The following IFT88 variants were observed in gnomAD, a reference collection of about 807,000 sequenced individuals.
IFT88 encodes the protein intraflagellar transport 88.
IFT88 carries 74 observed loss-of-function variants against 119.5 expected under a neutral mutation model. The ratio of observed to expected loss-of-function variants is 0.62; its 90% CI spans 0.51 to 0.75. The LOEUF (loss-of-function observed/expected upper bound fraction) is 0.75. Among genes scored for constraint, IFT88 ranks in the 30% least tolerant of loss-of-function variants. IFT88 has a pLI of 0.00. For synonymous variants in IFT88, 279 were observed against 316.7 expected (o/e 0.88, Z 1.26); for missense variants, 961 against 977.7 (o/e 0.98, Z 0.23).
chr13:20,663,332 T>A (rs1431557030), intron 22 of IFT88, 166 bp from the exon 23 acceptor site: 1 of 1,516,386 alleles, frequency 6.6e-7, no homozygotes, highest in East Asian at 2.5e-5. Flanking sequence ...AAGTCAGTTC[T>A]CCCTGGTCCA....
intron 22 of IFT88, among the ~76,000 whole-genome samples, chr13:20,660,977 G>A (rs1240938524): frequency 1.3e-5 from 2 of 152,078 alleles, no homozygotes; most frequent in African/African-American, 2.4e-5. Context: ...AAAATGGAGT[G>A]TTCACTAGCT....
At chr13:20,680,889 G>C (rs940976069) in intron 24 of IFT88, among the ~76,000 whole-genome samples, 5 of 152,196 alleles carry the variant, frequency 3.3e-5, no homozygotes, top group Non-Finnish European at 7.3e-5. Context: ...CACCAAACCA[G>C]TTGTTCCGCT....
In IFT88 at chr13:20,592,443, G is replaced by A. The variant is rs112861875; in HGVS notation, c.398+39G>A. ...TATGTTGTTGTTTGTTGTTGTTGCT[G>A]CATATTTTAAATTTTTATTTTCCAA... is the stretch of plus-strand genomic sequence containing the variant. On this transcript the variant is annotated intron_variant, in intron 7 of 25. Transcript: ENST00000351808. 2.2e-3 allele frequency: 3,144 copies of A among 1,453,860 alleles called. 57 individuals are homozygous for A. The African/African-American group carries it at 0.041, about 19-fold the overall frequency. The allele number at this position is 1,453,860 out of a possible 1,614,324, so 90.1% of individuals were successfully genotyped here. A position where few individuals can be genotyped will look rare whatever the true frequency, so the allele number is the denominator to read the frequency against.
Position 20,597,607 on chromosome 13 carries a change from G to A in IFT88, c.594+488G>A, listed in dbSNP as rs190773185. 3.4e-3 allele frequency among the ~76,000 whole-genome samples: 523 copies of A among 152,022 alleles called. 2 individuals are homozygous for A. The highest frequency in any genetic ancestry group is 0.014 in the Middle Eastern group (4 of 294). ...AAAATACAAAAAATTAGCCGGGTGT[G>A]GTGGCGGGCGCCTGTAGTCCCAGCT... On this transcript the variant is annotated intron_variant, in intron 9 of 25. Transcript: ENST00000351808.
At chr13:20,612,296 A>G (rs1335949539) in intron 13 of IFT88, 2 of 152,212 alleles carry the variant, frequency 1.3e-5, no homozygotes, top group Non-Finnish European at 2.9e-5. Flanking sequence ...TGCTGTATGC[A>G]TTGACCTGGT....
At chr13:20,570,681 G>T (rs1239829934) in intron 1 of IFT88, among the ~76,000 whole-genome samples, 1 of 152,166 alleles carries the variant, frequency 6.6e-6, no homozygotes, top group African/African-American at 2.4e-5. Flanking sequence ...ACAGAAAATG[G>T]TTGCCAGGGA....
intron 24 of IFT88, among the ~76,000 whole-genome samples, chr13:20,672,893 G>A (rs1252711740): frequency 6.6e-6 from 1 of 152,090 alleles, no homozygotes; most frequent in South Asian, 2.1e-4. Flanking sequence ...TCATGGATGT[G>A]TACCAAAAAT....
intron 2 of IFT88, among the ~76,000 whole-genome samples, chr13:20,580,140 A>G (rs1052712139): frequency 6.6e-6 from 1 of 152,200 alleles, no homozygotes; most frequent in African/African-American, 2.4e-5. Context: ...ACATTCAACT[A>G]CATCATAAGC....
chr13:20,674,613 C>A (rs2056373757), intron 24 of IFT88, among the ~76,000 whole-genome samples: 1 of 149,666 alleles, frequency 6.7e-6, no homozygotes, highest in Non-Finnish European at 1.5e-5. Context: ...TAATGAAAAT[C>A]AGGATAAGAT....
intron 9 of IFT88, among the ~76,000 whole-genome samples, chr13:20,597,876 G>C (rs937459802): frequency 2.0e-5 from 3 of 151,730 alleles, no homozygotes; most frequent in Non-Finnish European, 4.4e-5. Context: ...ATTTTGATGA[G>C]ATTGTAATGT....
At chr13:20,575,741 C>T (rs2037259051) in intron 2 of IFT88, among the ~76,000 whole-genome samples, 1 of 152,140 alleles carries the variant, frequency 6.6e-6, no homozygotes, top group African/African-American at 2.4e-5. Flanking sequence ...TATAAATTAC[C>T]CAATCTCAAG....
chr13:20,645,365 C>T (rs1461572248), intron 20 of IFT88, among the ~76,000 whole-genome samples: 3 of 152,192 alleles, frequency 2.0e-5, no homozygotes, highest in Non-Finnish European at 4.4e-5. Context: ...GCTGGGATTA[C>T]AGGCATGAGC....
chr13:20,668,069 C>T (rs1253769535), intron 23 of IFT88, among the ~76,000 whole-genome samples: 1 of 152,184 alleles, frequency 6.6e-6, no homozygotes, highest in African/African-American at 2.4e-5. Flanking sequence ...TGTGACACAC[C>T]CCTCCTGGCT....
At chr13:20,572,903 T>G (rs1222398615) in intron 1 of IFT88, among the ~76,000 whole-genome samples, 1 of 152,172 alleles carries the variant, frequency 6.6e-6, no homozygotes, top group Non-Finnish European at 1.5e-5. Context: ...TAAGGCTTCT[T>G]TCACTCAGCA....
intron 18 of IFT88, chr13:20,643,019 C>CA (rs35694201): frequency 0.061 from 7,854 of 128,876 alleles, 285 homozygotes; most frequent in Non-Finnish European, 0.083. Flanking sequence ...AAGGAAGCTA[C>CA]AAAAAAAAAA....
At chr13:20,685,613 G>A (rs1424414449) in intron 24 of IFT88, among the ~76,000 whole-genome samples, 1 of 152,212 alleles carries the variant, frequency 6.6e-6, no homozygotes, top group Admixed American at 6.5e-5. Context: ...GCTCACGCCT[G>A]TAATCCCAGC....
intron 13 of IFT88, among the ~76,000 whole-genome samples, chr13:20,608,470 T>G (rs1478346580): frequency 6.6e-6 from 1 of 152,188 alleles, no homozygotes; most frequent in East Asian, 1.9e-4. Context: ...GTGGAATTAT[T>G]CCCCAAACGG....
chr13:20,570,749 G>T (rs2036187480), intron 1 of IFT88, among the ~76,000 whole-genome samples: 1 of 152,094 alleles, frequency 6.6e-6, no homozygotes, highest in Non-Finnish European at 1.5e-5. Context: ...TTTCTTTATG[G>T]GATGATGAAA....
intron 20 of IFT88, among the ~76,000 whole-genome samples, chr13:20,646,875 C>T (rs2442459): frequency 0.91 from 136,643 of 150,612 alleles, 62,124 homozygotes; most frequent in East Asian, 1. Context: ...CTCTCTCTCT[C>T]GCTTTACTAC....
Sources: gnomAD v4.1 joint callset for allele counts (sites outside exome capture counted in the v4.1 genomes callset) on GRCh38, gnomAD v4.1.1 for gene constraint, MANE v1.5 for transcripts, NCBI Gene and HGNC (gene_info 2026-07-23, HGNC 2026-07-21) for gene names.